The following KIFAP3 variants were observed in gnomAD, a reference collection of about 807,000 sequenced individuals.
KIFAP3 encodes the protein kinesin-associated protein 3.
In KIFAP3, 68 loss-of-function variants were observed where a neutral mutation model predicts 106.5. The observed-to-expected ratio is 0.64, with a 90% confidence interval of 0.53 to 0.78. The LOEUF is 0.78. Among genes scored for constraint, KIFAP3 ranks in the 30% least tolerant of loss-of-function variants. KIFAP3 has a pLI of 0.00. For synonymous variants in KIFAP3, 320 were observed against 311.5 expected (o/e 1.03, Z -0.29); for missense variants, 780 against 941.8 (o/e 0.83, Z 2.25).
At chr1:170,004,385 C>T (rs957633064) in intron 10 of KIFAP3, among the ~76,000 whole-genome samples, 2 of 151,934 alleles carry the variant, frequency 1.3e-5, no homozygotes, top group Admixed American at 1.3e-4. Context: ...CCAAAAAAGA[C>T]CCCGCATTGC....
chr1:169,925,408 A>G (rs1663080572), intron 19 of KIFAP3, among the ~76,000 whole-genome samples: 1 of 152,094 alleles, frequency 6.6e-6, no homozygotes, highest in Non-Finnish European at 1.5e-5. Flanking sequence ...ATTTCTGGGT[A>G]CCTAGAAAGA....
chr1:169,992,013 C>T (rs1458067902), intron 11 of KIFAP3, 142 bp downstream of exon 11: 2 of 409,996 alleles, frequency 4.9e-6, no homozygotes, highest in African/African-American at 2.1e-5. Flanking sequence ...CAGTTCTGTA[C>T]TTCCTCAATT....
intron 4 of KIFAP3, 41 bp downstream of exon 4, chr1:170,039,192 T>A (rs371490795): frequency 8.2e-7 from 1 of 1,213,410 alleles, no homozygotes; most frequent in Non-Finnish European, 1.2e-6. Flanking sequence ...CAATATCTTA[T>A]AATCCAGTCC....
intron 3 of KIFAP3, among the ~76,000 whole-genome samples, chr1:170,044,061 TC>T (rs935260465): frequency 3.5e-4 from 53 of 152,094 alleles, no homozygotes; most frequent in African/African-American, 1.3e-3. Context: ...GGAACCCAAA[TC>T]CCTTTTCACA....
chr1:169,928,381 A>G (rs1179130115), intron 19 of KIFAP3, among the ~76,000 whole-genome samples: 1 of 152,126 alleles, frequency 6.6e-6, no homozygotes, highest in Non-Finnish European at 1.5e-5. Context: ...TACAGGCGTG[A>G]GCCACTGTGC....
At chr1:169,927,928 T>A (rs1047578761) in intron 19 of KIFAP3, among the ~76,000 whole-genome samples, 2 of 151,566 alleles carry the variant, frequency 1.3e-5, no homozygotes, top group Admixed American at 1.3e-4. Context: ...AATGACCAAA[T>A]TCTATGTTTT....
In KIFAP3 at chr1:170,048,093, G is replaced by T. The variant is rs139059264; in HGVS notation, c.165-1227C>A. 4.2e-4 allele frequency among the ~76,000 whole-genome samples: 64 copies of T among 152,234 alleles called. 3 individuals carry two copies. The East Asian group carries it at 0.012, about 29-fold the overall frequency. The stretch of plus-strand genomic sequence containing the variant: ...GTAAGCTTATTATCCATATGTAGAT[G>T]ATTTCTCCCGAAACCATTCCAGCAG... On this transcript the variant is annotated intron_variant, in intron 2 of 19. Coordinates refer to ENST00000361580, the MANE Select transcript of KIFAP3 (RefSeq NM_014970.4).
intron 13 of KIFAP3, among the ~76,000 whole-genome samples, 194 bp from the exon 14 acceptor site, chr1:169,983,061 G>A (rs1297043560): frequency 6.6e-6 from 1 of 151,928 alleles, no homozygotes; most frequent in Non-Finnish European, 1.5e-5. Flanking sequence ...CTGTAGTGGG[G>A]TGGAGGGATT....
At chr1:169,959,520 A>G (rs1350127200) in intron 18 of KIFAP3, among the ~76,000 whole-genome samples, 1 of 152,180 alleles carries the variant, frequency 6.6e-6, no homozygotes, top group Admixed American at 6.5e-5. Context: ...TAACCTATAC[A>G]TTGTAATTAA....
At chr1:169,981,344 C>A (rs1666515105) in intron 15 of KIFAP3, among the ~76,000 whole-genome samples, 1 of 152,142 alleles carries the variant, frequency 6.6e-6, no homozygotes, top group African/African-American at 2.4e-5. Flanking sequence ...ATCCCTTTGT[C>A]CAGTGTATCC....
At chr1:170,061,611 C>T (rs925451732) in intron 1 of KIFAP3, among the ~76,000 whole-genome samples, 1 of 152,116 alleles carries the variant, frequency 6.6e-6, no homozygotes. Context: ...GTGGCGATTC[C>T]TCAAGGATCT....
At chr1:170,051,952 A>C (rs936409512) in intron 2 of KIFAP3, among the ~76,000 whole-genome samples, 1 of 152,156 alleles carries the variant, frequency 6.6e-6, no homozygotes, top group Non-Finnish European at 1.5e-5. Context: ...AGCAAGAGCA[A>C]ACAAAGTCAA....
upstream of KIFAP3, chr1:170,074,757 G>C: frequency 7.7e-7 from 1 of 1,304,904 alleles, no homozygotes; most frequent in Non-Finnish European, 9.8e-7. Context: ...GGCTCAGTCT[G>C]AGGCGGTGGC....
At chr1:170,055,763 A>G (rs1557868715) in intron 1 of KIFAP3, among the ~76,000 whole-genome samples, 2 of 152,206 alleles carry the variant, frequency 1.3e-5, no homozygotes, top group African/African-American at 4.8e-5. Context: ...CAAGTAAGAC[A>G]GCTTTGGAGA....
chr1:170,029,022 A>C (rs1051444732), intron 8 of KIFAP3, among the ~76,000 whole-genome samples: 2 of 152,166 alleles, frequency 1.3e-5, no homozygotes, highest in African/African-American at 4.8e-5. Context: ...ATATAGACAT[A>C]AATATATTAA....
chr1:170,006,577 G>T (rs1667975756), intron 10 of KIFAP3, among the ~76,000 whole-genome samples: 1 of 152,144 alleles, frequency 6.6e-6, no homozygotes, highest in African/African-American at 2.4e-5. Flanking sequence ...AGATAGAGCT[G>T]ACTGGATTCC....
chr1:170,084,910 A>G (rs1198049705), intron 1 of KIFAP3: 3 of 152,180 alleles, frequency 2.0e-5, no homozygotes, highest in African/African-American at 4.8e-5. Context: ...TCGTTTCTCT[A>G]TATTTTATCC....
At chr1:169,951,139 C>T (rs1664708548) in intron 19 of KIFAP3, among the ~76,000 whole-genome samples, 1 of 151,848 alleles carries the variant, frequency 6.6e-6, no homozygotes, top group South Asian at 2.1e-4. Flanking sequence ...TCTGCTGATA[C>T]AGTTTAGGGT....
chr1:169,930,889 A>T (rs538677849), intron 19 of KIFAP3, among the ~76,000 whole-genome samples: 1 of 149,056 alleles, frequency 6.7e-6, no homozygotes, highest in Non-Finnish European at 1.5e-5. Flanking sequence ...TCTTGCTGGA[A>T]GTCCTTTTCA....
Sources: gnomAD v4.1 joint callset for allele counts (sites outside exome capture counted in the v4.1 genomes callset) on GRCh38, gnomAD v4.1.1 for gene constraint, MANE v1.5 for transcripts, NCBI Gene and HGNC (gene_info 2026-07-23, HGNC 2026-07-21) for gene names.